Variants in SOX5 observed in about 807,000 individuals in gnomAD.
SOX5 encodes the protein transcription factor SOX-5.
Under a neutral mutation model 92.0 loss-of-function variants are expected in SOX5, and 9 were observed. That is an observed-to-expected ratio of 0.10 (90% CI 0.06 to 0.17). The LOEUF (loss-of-function observed/expected upper bound fraction) is 0.17. Among genes scored for constraint, SOX5 ranks in the 10% least tolerant of loss-of-function variants. The pLI is 1.00. For synonymous variants in SOX5, 344 were observed against 336.3 expected, an observed-to-expected ratio of 1.02 and a Z score of -0.25; for missense variants, 642 against 944.5, an observed-to-expected ratio of 0.68 and a Z score of 4.20.
chr12:24,433,099 T>TA (rs992007474), intron 1 of SOX5, among the ~76,000 whole-genome samples: 2 of 152,114 alleles, frequency 1.3e-5, no homozygotes, highest in African/African-American at 4.8e-5. Flanking sequence ...AAAATTAAAA[T>TA]AAAAAACAAT....
chr12:24,188,023 T>C (rs1956184384), intron 4 of SOX5, among the ~76,000 whole-genome samples: 1 of 152,176 alleles, frequency 6.6e-6, no homozygotes, highest in South Asian at 2.1e-4. Context: ...CTACCAATAG[T>C]AGGCTGTAAA....
intron 8 of SOX5, among the ~76,000 whole-genome samples, chr12:23,633,675 T>C (rs993968790): frequency 2.0e-5 from 3 of 152,046 alleles, no homozygotes; most frequent in African/African-American, 7.2e-5. Flanking sequence ...GAGCTGCTAA[T>C]TGGCTAGTAA....
chr12:23,664,322 CAT>C lies in SOX5; in HGVS notation c.931+1120_931+1121del, dbSNP rs34331621. ...AGATGTTAATGGCACAATTCATTAA[CAT>C]ATATATATATATAAGCCAAAATGCA... is the stretch of plus-strand genomic sequence containing the variant. On this transcript the variant is annotated intron_variant, in intron 7 of 14. Transcript: ENST00000451604. Among the ~76,000 whole-genome samples, 959 of 150,048 alleles carry C rather than the reference CAT, an allele frequency of 6.4e-3. 7 individuals are homozygous for C. Among genetic ancestry groups the C allele is most frequent in the African/African-American group, 0.022 (893 of 40,966 alleles).
intron 1 of SOX5, among the ~76,000 whole-genome samples, chr12:23,912,837 G>A (rs1251539910): frequency 6.6e-6 from 1 of 152,098 alleles, no homozygotes; most frequent in Non-Finnish European, 1.5e-5. Flanking sequence ...GGGTATGGGG[G>A]TGGGGAGGGG....
At chr12:24,344,861 TATC>T (rs766948616) in intron 2 of SOX5, among the ~76,000 whole-genome samples, 5 of 152,302 alleles carry the variant, frequency 3.3e-5, no homozygotes, top group Non-Finnish European at 7.4e-5. Flanking sequence ...AATGTACTCT[TATC>T]AGCAAATGGA....
intron 6 of SOX5, among the ~76,000 whole-genome samples, chr12:23,702,235 C>A (rs925576778): frequency 6.6e-6 from 1 of 151,962 alleles, no homozygotes; most frequent in Non-Finnish European, 1.5e-5. Context: ...CTAATTACAA[C>A]TAAGGTGAAG....
At chr12:23,634,811 ATT>A (rs2079013179) in intron 8 of SOX5, among the ~76,000 whole-genome samples, 3 of 152,194 alleles carry the variant, frequency 2.0e-5, no homozygotes, top group Admixed American at 2.0e-4. Context: ...AAGGTGATTA[ATT>A]AATATAGAAA....
Position 23,680,500 on chromosome 12 carries a change from G to A in SOX5, c.811-14936C>T, listed in dbSNP as rs186593288. ...ATGGAAAATATAAAAGAGAGGTTAA[G>A]TGTCATAGAGTCTAAAATAAGATGG... On this transcript the variant is annotated intron_variant, in intron 6 of 14. Transcript: ENST00000451604. Among the ~76,000 whole-genome samples the A allele has an allele frequency of 1.7e-3, 256 of 151,928 alleles. 2 individuals carry two copies. The highest frequency in any genetic ancestry group is 5.1e-4 in the Non-Finnish European group (35 of 67,970).
intron 4 of SOX5, among the ~76,000 whole-genome samples, chr12:24,035,990 G>C (rs1310926354): frequency 6.6e-6 from 1 of 151,934 alleles, no homozygotes; most frequent in Non-Finnish European, 1.5e-5. Flanking sequence ...TAAGGTGTGT[G>C]GGTGTTTTTT....
At chr12:24,288,195 CA>C (rs1946144265) in intron 2 of SOX5, among the ~76,000 whole-genome samples, 2 of 152,112 alleles carry the variant, frequency 1.3e-5, no homozygotes, top group Non-Finnish European at 2.9e-5. Context: ...ATGCTACTGG[CA>C]TCTAGTGGGT....
At chr12:24,543,952 T>C (rs1214460140) in intron 1 of SOX5, among the ~76,000 whole-genome samples, 1 of 152,228 alleles carries the variant, frequency 6.6e-6, no homozygotes, top group African/African-American at 2.4e-5. Flanking sequence ...CCTTAGGGAC[T>C]GAACCATGAT....
At chr12:24,233,980 T>C (rs1470528514) in intron 3 of SOX5, among the ~76,000 whole-genome samples, 1 of 152,202 alleles carries the variant, frequency 6.6e-6, no homozygotes, top group African/African-American at 2.4e-5. Flanking sequence ...GAACAATCTT[T>C]AGGGAAACTT....
intron 8 of SOX5, among the ~76,000 whole-genome samples, chr12:23,608,276 T>C (rs2075525352): frequency 1.3e-5 from 2 of 152,104 alleles, no homozygotes; most frequent in Admixed American, 6.6e-5. Context: ...CTCTAAAACT[T>C]CACAACTCCT....
chr12:24,447,163 G>A (rs777370162), intron 1 of SOX5, among the ~76,000 whole-genome samples: 2 of 152,136 alleles, frequency 1.3e-5, no homozygotes, highest in African/African-American at 2.4e-5. Flanking sequence ...CTCTTCCAAC[G>A]AGAACAAACA....
At chr12:24,160,659 T>C (rs1016825555) in intron 4 of SOX5, among the ~76,000 whole-genome samples, 1 of 151,822 alleles carries the variant, frequency 6.6e-6, no homozygotes, top group Admixed American at 6.6e-5. Context: ...GGAAGAAAGG[T>C]TGGATATAAG....
chr12:24,546,468 G>A (rs547165609), intron 1 of SOX5, among the ~76,000 whole-genome samples: 12 of 152,164 alleles, frequency 7.9e-5, no homozygotes, highest in African/African-American at 2.2e-4. Flanking sequence ...GCCTCATCTC[G>A]GCTAGTCCTG....
chr12:23,921,146 T>A (rs1938131513), intron 1 of SOX5, among the ~76,000 whole-genome samples: 1 of 152,122 alleles, frequency 6.6e-6, no homozygotes, highest in Non-Finnish European at 1.5e-5. Context: ...GTTAGAATAG[T>A]CCCTGTGCTG....
intron 3 of SOX5, among the ~76,000 whole-genome samples, chr12:23,839,105 T>C (rs1167052718): frequency 6.6e-6 from 1 of 151,848 alleles, no homozygotes; most frequent in Non-Finnish European, 1.5e-5. Flanking sequence ...CGCCTTGGCC[T>C]CTCAGAGTGC....
At chr12:23,820,409 C>T (rs1455280528) in intron 3 of SOX5, among the ~76,000 whole-genome samples, 2 of 152,178 alleles carry the variant, frequency 1.3e-5, no homozygotes, top group Non-Finnish European at 2.9e-5. Context: ...CTTTGCTGTG[C>T]AGCAGCTCTT....
Sources: gnomAD v4.1 joint callset for allele counts (sites outside exome capture counted in the v4.1 genomes callset) on GRCh38, gnomAD v4.1.1 for gene constraint, MANE v1.5 for transcripts, NCBI Gene and HGNC (gene_info 2026-07-23, HGNC 2026-07-21) for gene names.